Variants in ZSCAN22 observed in about 807,000 individuals in gnomAD.
The protein encoded by ZSCAN22 is zinc finger and SCAN domain containing 22.
In ZSCAN22, 7 loss-of-function variants were observed where a neutral mutation model predicts 12.4. That is an observed-to-expected ratio of 0.57 (90% CI 0.32 to 1.06). The LOEUF is 1.06. Ranked by LOEUF, ZSCAN22 falls within the 50% of genes least tolerant of loss-of-function variation. ZSCAN22 has a pLI of 0.04. For missense variants in ZSCAN22, 576 were observed against 631.7 expected, an observed-to-expected ratio of 0.91 and a Z score of 0.94; for synonymous variants, 243 against 255.9, an observed-to-expected ratio of 0.95 and a Z score of 0.48.
intron 1 of ZSCAN22, among the ~76,000 whole-genome samples, chr19:58,328,839 C>T (rs1045004645): frequency 6.6e-6 from 1 of 152,178 alleles, no homozygotes; most frequent in Non-Finnish European, 1.5e-5. Flanking sequence ...GGTAACCATG[C>T]TCAGCCTTTA....
rs56688575 is a variant in ZSCAN22 at position 58,339,872 on chromosome 19, T to C, written c.*546T>C. ...ACTGCCTCTTCCACGATGCCTTTTCTACACTCTGCCTCTCTCATGGTTTCC... is the reference window on the plus strand; with the variant it reads ...ACTGCCTCTTCCACGATGCCTTTTCCACACTCTGCCTCTCTCATGGTTTCC... On this transcript the variant is annotated 3_prime_UTR_variant, in exon 3 of 3. Coordinates refer to ENST00000329665, the MANE Select transcript of ZSCAN22 (RefSeq NM_181846.3). This position sits in a 1 kb window ranked among gnomAD's most constrained non-coding sequence, Gnocchi z 5.6. 14,567 of 154,492 alleles carry C rather than the reference T, an allele frequency of 0.094. 1,057 individuals carry two copies. The highest frequency in any genetic ancestry group is 0.18 in the African/African-American group (7,624 of 41,546). The allele number at this position is 154,492 out of a possible 1,614,324, so 9.6% of individuals were successfully genotyped here. A position where few individuals can be genotyped will look rare whatever the true frequency, so the allele number is the denominator to read the frequency against.
intron 1 of ZSCAN22, among the ~76,000 whole-genome samples, chr19:58,327,357 G>A (rs2051664925): frequency 6.6e-6 from 1 of 152,186 alleles, no homozygotes; most frequent in African/African-American, 2.4e-5. Flanking sequence ...GACGGACCCG[G>A]TGTGGACAGA....
intron 1 of ZSCAN22, among the ~76,000 whole-genome samples, chr19:58,334,081 T>G (rs1251193945): frequency 1.3e-5 from 2 of 152,078 alleles, no homozygotes; most frequent in African/African-American, 4.8e-5. Flanking sequence ...GCAAGTAAAG[T>G]GAGAGAATGA....
Position 58,331,518 on chromosome 19 carries a change from GTTATTATTATTA to G in ZSCAN22, c.-51-3198_-51-3187del, listed in dbSNP as rs74179462. ...GTGTGAGCCACCGCGTCCAGCTGACGTTATTATTATTATTATTATTATTATTATTATTATTAT... is the reference window on the plus strand; with the variant it reads ...GTGTGAGCCACCGCGTCCAGCTGACGTTATTATTATTATTATTATTATTAT... On this transcript the variant is annotated intron_variant, in intron 1 of 2. Coordinates refer to ENST00000329665, the MANE Select transcript of ZSCAN22 (RefSeq NM_181846.3). Among the ~76,000 whole-genome samples the G allele has an allele frequency of 1.9e-3, 231 of 119,448 alleles. 3 individuals are homozygous for G. Among genetic ancestry groups the G allele is most frequent in the East Asian group, 0.012 (49 of 3,998 alleles). The allele number at this position is 119,448 out of a possible 152,430, so 78.4% of individuals were successfully genotyped here. A position where few individuals can be genotyped will look rare whatever the true frequency, so the allele number is the denominator to read the frequency against.
chr19:58,330,293 A>G (rs902851145), intron 1 of ZSCAN22, among the ~76,000 whole-genome samples: 1 of 152,114 alleles, frequency 6.6e-6, no homozygotes, highest in Non-Finnish European at 1.5e-5. Context: ...CCGTCTGGAG[A>G]AAAAAAGAAT....
In ZSCAN22 at chr19:58,338,916, G is replaced by A; in HGVS notation, c.1066G>A (p.Glu356Lys). The part of the protein sequence containing the change: ...HTGEKPYKCG[E>K]CGKTFSRSTH... Reference sequence around the variant, plus strand: ...TGGAGAGAAACCCTACAAATGTGGGGAATGTGGTAAAACCTTCAGCCGCAG... The same window carrying A: ...TGGAGAGAAACCCTACAAATGTGGGAAATGTGGTAAAACCTTCAGCCGCAG... The change falls in exon 3 of 3, where the codon GAA (glutamate) becomes AAA (lysine). Residue 356 changes from glutamate (E) to lysine (K), a missense_variant. By Grantham distance (56) the Glu-to-Lys change is moderately conservative. Transcript: ENST00000329665. This position sits in a 1 kb window ranked among gnomAD's most constrained non-coding sequence, Gnocchi z 5.4. 1 of 1,614,122 alleles carries A rather than the reference G, an allele frequency of 6.2e-7. No homozygotes were observed. The highest frequency in any genetic ancestry group is 1.3e-5 in the African/African-American group (1 of 75,040).
rs2051839209 is a variant in ZSCAN22 at position 58,339,131 on chromosome 19, G to A, written c.1281G>A (p.Leu427=). 1 of 1,614,136 alleles carries A rather than the reference G, an allele frequency of 6.2e-7. No homozygotes were observed. The highest frequency in any genetic ancestry group is 1.3e-5 in the African/African-American group (1 of 74,954). The change falls in exon 3 of 3, where the codon CTG becomes CTA. Residue 427 remains leucine, a synonymous_variant. Transcript: ENST00000329665. The surrounding 1 kb of genome is among the most constrained non-coding windows in gnomAD (Gnocchi z 5.6). ...FSDCSALIRH[L]RIHSGEKPYQ... ...ACTGCTCAGCCCTGATCCGACATCTGAGAATCCACTCTGGAGAGAAGCCAT... is the reference window on the plus strand; with the variant it reads ...ACTGCTCAGCCCTGATCCGACATCTAAGAATCCACTCTGGAGAGAAGCCAT...
At chr19:58,328,874 C>T (rs1308237998) in intron 1 of ZSCAN22, among the ~76,000 whole-genome samples, 1 of 152,138 alleles carries the variant, frequency 6.6e-6, no homozygotes, top group African/African-American at 2.4e-5. Context: ...TGCTTAATGC[C>T]TGCTTATTGT....
chr19:58,338,882 G>T lies in ZSCAN22; in HGVS notation c.1032G>T (p.Arg344Ser). 2 of 1,614,114 alleles carry T rather than the reference G, an allele frequency of 1.2e-6. No individual in the cohort carries two copies. Among genetic ancestry groups the T allele is most frequent in the African/African-American group, 1.3e-5 (1 of 75,014 alleles). The change falls in exon 3 of 3, where the codon AGG becomes AGT. Residue 344 changes from arginine (R) to serine (S), a missense_variant. Coordinates refer to ENST00000329665, the MANE Select transcript of ZSCAN22 (RefSeq NM_181846.3). The surrounding 1 kb of genome is among the most constrained non-coding windows in gnomAD (Gnocchi z 5.4). Reference sequence around the variant, plus strand: ...TCACCCACCTGACTCAGCACCAAAGGATTCATACTGGAGAGAAACCCTACA... The same window carrying T: ...TCACCCACCTGACTCAGCACCAAAGTATTCATACTGGAGAGAAACCCTACA... ...SRVTHLTQHQ[R>S]IHTGEKPYKC...
rs749060453 is a variant in ZSCAN22, at chr19:58,339,290, G to T, written c.1440G>T (p.Met480Ile). 18 of 1,612,458 alleles carry T rather than the reference G, an allele frequency of 1.1e-5. No homozygotes were observed. The highest frequency in any genetic ancestry group is 1.5e-5 in the Non-Finnish European group (18 of 1,178,806). The change falls in exon 3 of 3, where the codon ATG becomes ATT. Residue 480 changes from methionine to isoleucine, a missense_variant. Coordinates refer to ENST00000329665, the MANE Select transcript of ZSCAN22 (RefSeq NM_181846.3). The surrounding 1 kb of genome is among the most constrained non-coding windows in gnomAD (Gnocchi z 5.6). ...GKAFSRSSAL[M>I]VHLRIHITVL... Reference sequence around the variant, plus strand: ...CCTTCAGTCGTAGCTCAGCCCTGATGGTTCACTTGCGGATCCACATCACGG... The same window carrying T: ...CCTTCAGTCGTAGCTCAGCCCTGATTGTTCACTTGCGGATCCACATCACGG...
rs750654412 is a variant in ZSCAN22 at position 58,338,723 on chromosome 19, T to C, written c.873T>C (p.Ser291=). ...SALEAHQKTH[S]RKTPYACSEC... ...TCGAGGCACACCAGAAGACCCATTC[T>C]CGGAAGACCCCATATGCCTGCAGCG... is the stretch of plus-strand genomic sequence containing the variant. Residue 291 remains serine (S), a synonymous_variant, in exon 3 of 3, where the codon TCT becomes TCC. Transcript: ENST00000329665. The surrounding 1 kb of genome is among the most constrained non-coding windows in gnomAD (Gnocchi z 5.4). 1 of 1,614,198 alleles carries C rather than the reference T, an allele frequency of 6.2e-7. No individual in the cohort carries two copies. The highest frequency in any genetic ancestry group is 1.7e-5 in the Admixed American group (1 of 60,026).
At chr19:58,337,402 C>A (rs1318392593) in intron 2 of ZSCAN22, among the ~76,000 whole-genome samples, 1 of 149,260 alleles carries the variant, frequency 6.7e-6, no homozygotes, top group Non-Finnish European at 1.5e-5. Context: ...AGAACTCCAA[C>A]CCCACAGAGA....
chr19:58,334,941 G>A lies in ZSCAN22; in HGVS notation c.139G>A (p.Ala47Thr), dbSNP rs1455135850. 16 of 1,614,018 alleles carry A rather than the reference G, an allele frequency of 9.9e-6. No individual in the cohort carries two copies. Among genetic ancestry groups the A allele is most frequent in the Non-Finnish European group, 1.4e-5 (16 of 1,180,058 alleles). ...SSHDHIAHSE[A>T]ARLRFRHFRY... ...CCATGACCACATTGCTCACTCTGAG[G>A]CTGCACGCCTGCGCTTCCGGCACTT... The change falls in exon 2 of 3, where the codon GCT becomes ACT. Residue 47 changes from alanine to threonine, a missense_variant. By Grantham distance (58) the Ala-to-Thr change is moderately conservative. Transcript: ENST00000329665.
intron 1 of ZSCAN22, among the ~76,000 whole-genome samples, chr19:58,333,279 G>T (rs1428078103): frequency 1.3e-5 from 2 of 152,198 alleles, no homozygotes; most frequent in East Asian, 3.9e-4. Flanking sequence ...TTTTAATTTT[G>T]ATAAAGTCCA....
In ZSCAN22 at chr19:58,338,244, A is replaced by C. The variant is rs2051820891; in HGVS notation, c.404-10A>C. The C allele has an allele frequency of 1.3e-6, 2 of 1,590,034 alleles. No individual in the cohort carries two copies. The highest frequency in any genetic ancestry group is 2.2e-5 in the South Asian group (2 of 89,468). ...TAGGAGGAGTGACAGTGTGGTTCGG[A>C]CTGTTTCAGGATGGGATCCAGGAGC... On this transcript the variant is annotated splice_polypyrimidine_tract_variant and intron_variant, in intron 2 of 2. Transcript: ENST00000329665. This position sits in a 1 kb window ranked among gnomAD's most constrained non-coding sequence, Gnocchi z 5.4.
intron 1 of ZSCAN22, among the ~76,000 whole-genome samples, chr19:58,328,358 G>A (rs1299141458): frequency 6.6e-6 from 1 of 152,220 alleles, no homozygotes; most frequent in East Asian, 1.9e-4. Flanking sequence ...TGCCATGTCT[G>A]CAGCTGAAAC....
In ZSCAN22 at chr19:58,329,998, C is replaced by G. The variant is rs73570691; in HGVS notation, c.-52+2884C>G. 0.1 allele frequency among the ~76,000 whole-genome samples: 15,693 copies of G among 152,186 alleles called. 1,294 individuals carry two copies. The highest frequency in any genetic ancestry group is 0.21 in the African/African-American group (8,899 of 41,514). On this transcript the variant is annotated intron_variant, in intron 1 of 2. Transcript: ENST00000329665. This position sits in a 1 kb window ranked among gnomAD's most constrained non-coding sequence, Gnocchi z 4.1. ...CAGTTTCTTAAAAAGTTAAGCATTG[C>G]CTACATGCGGCCAGGCGCAGTGGCT...
At position 58,338,205 on chromosome 19, in the gene ZSCAN22, G is replaced by A; in HGVS notation, c.404-49G>A. ...GACCGGGGCCCTCGGCAGAGTAGGG[G>A]AGGCTTGGTGTGGTAGGAGGAGTGA... is the stretch of plus-strand genomic sequence containing the variant. On this transcript the variant is annotated intron_variant, in intron 2 of 2. Coordinates refer to ENST00000329665, the MANE Select transcript of ZSCAN22 (RefSeq NM_181846.3). This position sits in a 1 kb window ranked among gnomAD's most constrained non-coding sequence, Gnocchi z 5.4. 6.6e-7 allele frequency: 1 copy of A among 1,516,248 alleles called. No homozygotes were observed. The allele number at this position is 1,516,248 out of a possible 1,614,324, so 93.9% of individuals were successfully genotyped here.
At chr19:58,328,434 AGGGGGCT>A (rs2051682192) in intron 1 of ZSCAN22, among the ~76,000 whole-genome samples, 1 of 152,176 alleles carries the variant, frequency 6.6e-6, no homozygotes, top group African/African-American at 2.4e-5. Context: ...TACGTGTAGC[AGGGGGCT>A]ATGGTATCCA....
Sources: allele counts gnomAD v4.1 joint callset (sites outside exome capture counted in the v4.1 genomes callset), GRCh38; gene constraint gnomAD v4.1.1; non-coding constraint Gnocchi (gnomAD v3.1); transcripts MANE v1.5; gene names NCBI Gene and HGNC (gene_info 2026-07-23, HGNC 2026-07-21).